The following SCHIP1 variants were observed in gnomAD, a reference collection of about 807,000 sequenced individuals.
The protein encoded by SCHIP1 is schwannomin interacting protein 1, also known as schwannomin-interacting protein 1.
SCHIP1 carries 8 observed loss-of-function variants against 29.7 expected under a neutral mutation model. The ratio of observed to expected loss-of-function variants is 0.27; its 90% confidence interval spans 0.16 to 0.49. The LOEUF is 0.49. Ranked by LOEUF, SCHIP1 falls within the 20% of genes least tolerant of loss-of-function variation. The pLI, the probability that SCHIP1 is intolerant of heterozygous loss-of-function variation, is 0.99. For missense variants in SCHIP1, 193 were observed against 294.6 expected, an observed-to-expected ratio of 0.66 and a Z score of 2.52; for synonymous variants, 76 against 94.9, an observed-to-expected ratio of 0.80 and a Z score of 1.16.
the SCHIP1 span, among the ~76,000 whole-genome samples, chr3:159,486,030 G>T: frequency 2.0e-5 from 3 of 152,156 alleles, no homozygotes; most frequent in South Asian, 6.2e-4. Context: ...AATTTTTATT[G>T]AAATTATACA....
intron 2 of SCHIP1, among the ~76,000 whole-genome samples, chr3:159,881,835 A>T (rs984929307): frequency 2.6e-5 from 4 of 152,156 alleles, no homozygotes; most frequent in Admixed American, 2.0e-4. Context: ...TTCTGTTCTG[A>T]GCTGGGCTTG....
chr3:159,300,113 C>CT, the SCHIP1 span, among the ~76,000 whole-genome samples: 6,980 of 45,152 alleles, frequency 0.15, 1,981 homozygotes, highest in Non-Finnish European at 0.2. Flanking sequence ...GGGAAAGCTG[C>CT]TTTTTTTTTT....
chr3:159,718,448 G>C, the SCHIP1 span, among the ~76,000 whole-genome samples: 4 of 152,304 alleles, frequency 2.6e-5, no homozygotes, highest in African/African-American at 9.6e-5. Context: ...AATTGTCCCT[G>C]TTTGCAGATG....
the SCHIP1 span, among the ~76,000 whole-genome samples, chr3:159,328,555 G>A: frequency 3.3e-5 from 5 of 152,200 alleles, no homozygotes; most frequent in African/African-American, 1.2e-4. Context: ...TACCTCAGGT[G>A]GAAAAGGGTG....
the SCHIP1 span, among the ~76,000 whole-genome samples, chr3:159,603,363 A>C: frequency 3.9e-5 from 6 of 152,160 alleles, no homozygotes; most frequent in Non-Finnish European, 8.8e-5. Context: ...TGATTAAATC[A>C]CTGGCTATTG....
chr3:159,561,654 T>C, the SCHIP1 span, among the ~76,000 whole-genome samples: 1 of 152,176 alleles, frequency 6.6e-6, no homozygotes, highest in Non-Finnish European at 1.5e-5. Context: ...AATTCTTTCA[T>C]GATGCAAATA....
the SCHIP1 span, among the ~76,000 whole-genome samples, chr3:159,505,959 ATT>A: frequency 6.6e-6 from 1 of 152,174 alleles, no homozygotes; most frequent in Non-Finnish European, 1.5e-5. Context: ...TAGCAGTATG[ATT>A]TATAATCCTT....
chr3:159,285,628 A>G, the SCHIP1 span, among the ~76,000 whole-genome samples: 51 of 151,622 alleles, frequency 3.4e-4, no homozygotes, highest in African/African-American at 1.1e-3. Flanking sequence ...TATTTTATTT[A>G]TTGTCTCAAA....
At chr3:159,871,370 G>T (rs1192636390) in intron 2 of SCHIP1, among the ~76,000 whole-genome samples, 5 of 117,046 alleles carry the variant, frequency 4.3e-5, no homozygotes, top group Non-Finnish European at 8.9e-5. Context: ...GGGGGGGGTG[G>T]GGGGGGGCTT....
chr3:159,866,714 C>T (rs185792724), intron 2 of SCHIP1, among the ~76,000 whole-genome samples: 50 of 152,222 alleles, frequency 3.3e-4, no homozygotes, highest in Admixed American at 2.8e-3. Flanking sequence ...ATACAATTCC[C>T]GCTTTGATCA....
the SCHIP1 span, among the ~76,000 whole-genome samples, chr3:159,692,540 C>A: frequency 6.6e-6 from 1 of 152,174 alleles, no homozygotes; most frequent in Non-Finnish European, 1.5e-5. Flanking sequence ...GTTTATGCTT[C>A]ATGAAGTTCT....
At chr3:159,514,548 G>A in the SCHIP1 span, among the ~76,000 whole-genome samples, 2 of 152,222 alleles carry the variant, frequency 1.3e-5, no homozygotes, top group Non-Finnish European at 2.9e-5. Context: ...TGCCGATGAA[G>A]AAGTGCAGTC....
the SCHIP1 span, among the ~76,000 whole-genome samples, chr3:159,404,053 G>A: frequency 6.6e-6 from 1 of 152,200 alleles, no homozygotes; most frequent in South Asian, 2.1e-4. Context: ...CTACCTTGAA[G>A]AGAAGAACCC....
At chr3:159,553,713 A>C in the SCHIP1 span, among the ~76,000 whole-genome samples, 8 of 152,116 alleles carry the variant, frequency 5.3e-5, no homozygotes, top group African/African-American at 1.9e-4. Context: ...GGCTCAAGAG[A>C]TCCTCCCACT....
the SCHIP1 span, among the ~76,000 whole-genome samples, chr3:159,810,164 G>A: frequency 6.6e-6 from 1 of 152,148 alleles, no homozygotes; most frequent in Non-Finnish European, 1.5e-5. Flanking sequence ...TCCTGCCTCG[G>A]CCTCCCGAGT....
At chr3:159,853,294 T>A in intron 1 of SCHIP1, 1 of 616,582 alleles carries the variant, frequency 1.6e-6, no homozygotes, top group Non-Finnish European at 2.9e-6. Context: ...GTATGAGCAG[T>A]AACCAGGGAA....
the SCHIP1 span, among the ~76,000 whole-genome samples, chr3:159,672,944 C>A: frequency 6.6e-6 from 1 of 152,202 alleles, no homozygotes; most frequent in East Asian, 1.9e-4. Flanking sequence ...GTTTCTAATA[C>A]AACATGCCCC....
At chr3:159,525,810 A>T in the SCHIP1 span, among the ~76,000 whole-genome samples, 149 of 152,384 alleles carry the variant, frequency 9.8e-4, 1 homozygote, top group Non-Finnish European at 1.7e-3. Context: ...ACAATTGGAC[A>T]GCCTGGACAG....
the SCHIP1 span, among the ~76,000 whole-genome samples, chr3:159,517,094 G>C: frequency 6.6e-6 from 1 of 152,298 alleles, no homozygotes; most frequent in Admixed American, 6.5e-5. Flanking sequence ...CTGAAGGTGA[G>C]AAGACGTTCC....
Sources: gnomAD v4.1 joint callset for allele counts (sites outside exome capture counted in the v4.1 genomes callset) on GRCh38, gnomAD v4.1.1 for gene constraint, MANE v1.5 for transcripts, NCBI Gene and HGNC (gene_info 2026-07-23, HGNC 2026-07-21) for gene names.